The following RARB variants were observed in gnomAD, a reference collection of about 807,000 sequenced individuals.
RARB encodes the protein retinoic acid receptor beta, also known as HBV-activated protein.
In RARB, 17 loss-of-function variants were observed where a neutral mutation model predicts 51.9. The ratio of observed to expected loss-of-function variants is 0.33; its 90% confidence interval spans 0.22 to 0.49. The LOEUF (loss-of-function observed/expected upper bound fraction) is 0.49, where lower values mean the gene tolerates loss of function less well. Ranked by LOEUF, RARB falls within the 20% of genes least tolerant of loss-of-function variation. The pLI is 0.99. For synonymous variants in RARB, 215 were observed against 195.4 expected, an observed-to-expected ratio of 1.10 and a Z score of -0.84; for missense variants, 369 against 550.8, an observed-to-expected ratio of 0.67 and a Z score of 3.30.
intron 5 of RARB, among the ~76,000 whole-genome samples, chr3:25,269,935 G>T (rs1703215232): frequency 6.6e-6 from 1 of 152,132 alleles, no homozygotes; most frequent in South Asian, 2.1e-4. Flanking sequence ...ATTAGGGAAA[G>T]GCAAAATAGA....
upstream of RARB, among the ~76,000 whole-genome samples, chr3:25,423,362 TAC>T (rs1707909430): frequency 1.3e-5 from 2 of 152,256 alleles, no homozygotes; most frequent in Admixed American, 1.3e-4. Context: ...TGCATTGATG[TAC>T]AGAGATTCTA....
chr3:24,958,524 A>C lies in RARB; in HGVS notation c.-380+99772A>C, dbSNP rs1696072471. 2.0e-5 allele frequency among the ~76,000 whole-genome samples: 3 copies of C among 152,132 alleles called. No homozygotes were observed. The South Asian group carries it at 6.2e-4, about 32-fold the overall frequency. ...TTTAGAAATGCCTGCTGCTCTCTTT[A>C]GGTTTCCCTTTTTCCTTTTCATTCA... On this transcript the variant is annotated intron_variant, in intron 2 of 11. Transcript: ENST00000383772.
At chr3:25,422,429 C>A (rs1300432973) in intron 5 of RARB, among the ~76,000 whole-genome samples, 3 of 152,152 alleles carry the variant, frequency 2.0e-5, no homozygotes, top group Non-Finnish European at 4.4e-5. Context: ...ATGGTAGTGC[C>A]ATTGGCATTT....
At chr3:24,901,860 A>G (rs1703613275) in intron 2 of RARB, among the ~76,000 whole-genome samples, 2 of 152,142 alleles carry the variant, frequency 1.3e-5, no homozygotes, top group South Asian at 4.1e-4. Context: ...CATTTACTAT[A>G]CCAGGTGCTA....
chr3:25,092,777 T>C (rs1029975617), intron 3 of RARB, among the ~76,000 whole-genome samples: 2 of 152,148 alleles, frequency 1.3e-5, no homozygotes, highest in African/African-American at 4.8e-5. Context: ...ACTGAATGGA[T>C]TCCCAGATAA....
intron 2 of RARB, among the ~76,000 whole-genome samples, chr3:24,952,835 G>C (rs1377404943): frequency 6.6e-6 from 1 of 151,566 alleles, no homozygotes; most frequent in Non-Finnish European, 1.5e-5. Flanking sequence ...ATTTAAGGTT[G>C]TTACCTTAAA....
chr3:25,131,006 AT>A (rs941865816), intron 3 of RARB, among the ~76,000 whole-genome samples: 28 of 147,518 alleles, frequency 1.9e-4, no homozygotes, highest in African/African-American at 7.0e-4. Flanking sequence ...TTTATTTATT[AT>A]TTATCAATGA....
intron 5 of RARB, among the ~76,000 whole-genome samples, chr3:25,185,548 T>C (rs1486473749): frequency 6.6e-6 from 1 of 152,152 alleles, no homozygotes; most frequent in Non-Finnish European, 1.5e-5. Context: ...TGACATTTCA[T>C]ACAAGTGAAT....
chr3:25,106,475 T>TTG (rs1459267752), intron 3 of RARB, among the ~76,000 whole-genome samples: 6 of 136,006 alleles, frequency 4.4e-5, no homozygotes, highest in African/African-American at 1.7e-4. Flanking sequence ...TTTGTTTTGT[T>TTG]TTTTTTTTGT....
chr3:25,571,635 A>G (rs970407135), intron 4 of RARB, among the ~76,000 whole-genome samples: 3 of 152,128 alleles, frequency 2.0e-5, no homozygotes, highest in African/African-American at 7.2e-5. Context: ...GTGGAATGTG[A>G]CCCCATGTAT....
intron 1 of RARB, among the ~76,000 whole-genome samples, chr3:24,835,127 C>T (rs754192753): frequency 2.2e-4 from 33 of 152,130 alleles, no homozygotes; most frequent in Non-Finnish European, 1.6e-4. Flanking sequence ...CCACCATTAT[C>T]GGATTTAATC....
At chr3:25,518,652 C>G (rs564157449) in intron 3 of RARB, among the ~76,000 whole-genome samples, 2 of 152,254 alleles carry the variant, frequency 1.3e-5, no homozygotes, top group African/African-American at 4.8e-5. Flanking sequence ...AGTTGACTCT[C>G]CTCTTCATTC....
chr3:24,912,276 C>T (rs1353911961), intron 2 of RARB, among the ~76,000 whole-genome samples: 1 of 152,140 alleles, frequency 6.6e-6, no homozygotes, highest in Non-Finnish European at 1.5e-5. Context: ...TTTTATCTAT[C>T]TGATCTCGGG....
intron 2 of RARB, among the ~76,000 whole-genome samples, chr3:24,938,066 G>T (rs1695582827): frequency 6.6e-6 from 1 of 152,102 alleles, no homozygotes; most frequent in East Asian, 1.9e-4. Context: ...TTAATGATTT[G>T]CATGGTGGTG....
chr3:24,855,612 C>G (rs1278838360), intron 1 of RARB, among the ~76,000 whole-genome samples: 2 of 152,006 alleles, frequency 1.3e-5, no homozygotes, highest in East Asian at 3.9e-4. Context: ...CAGCACTTAG[C>G]ACATTACATT....
intron 5 of RARB, among the ~76,000 whole-genome samples, chr3:25,264,533 A>G (rs1273572832): frequency 6.6e-6 from 1 of 152,222 alleles, no homozygotes; most frequent in East Asian, 1.9e-4. Context: ...ATTCTTAATT[A>G]CTTCGAAGCC....
intron 2 of RARB, among the ~76,000 whole-genome samples, chr3:25,487,537 A>T (rs545325255): frequency 1.3e-5 from 2 of 150,652 alleles, no homozygotes; most frequent in African/African-American, 2.4e-5. Context: ...ATGATACTCT[A>T]TCCTTCCCCC....
chr3:25,206,850 A>C (rs1014516853), intron 5 of RARB, among the ~76,000 whole-genome samples: 15 of 152,182 alleles, frequency 9.9e-5, no homozygotes, highest in African/African-American at 3.6e-4. Flanking sequence ...ACCTAGACTG[A>C]TGACTACCTG....
intron 5 of RARB, among the ~76,000 whole-genome samples, chr3:25,229,057 T>C (rs896118419): frequency 5.3e-5 from 8 of 152,146 alleles, no homozygotes; most frequent in Admixed American, 5.2e-4. Context: ...GGATCGACTA[T>C]TGTCTGAGTC....
Sources: allele counts gnomAD v4.1 joint callset (sites outside exome capture counted in the v4.1 genomes callset), GRCh38; gene constraint gnomAD v4.1.1; transcripts MANE v1.5; gene names NCBI Gene and HGNC (gene_info 2026-07-23, HGNC 2026-07-21).